The following SGMS1 variants were observed in gnomAD, a reference collection of about 807,000 sequenced individuals.
SGMS1 encodes phosphatidylcholine:ceramide cholinephosphotransferase 1.
A neutral mutation model predicts 46.2 loss-of-function variants in SGMS1; 13 were observed. That is an observed-to-expected ratio of 0.28 (90% CI 0.18 to 0.45). The LOEUF (loss-of-function observed/expected upper bound fraction) is 0.45. Ranked by LOEUF, SGMS1 falls within the 20% of genes least tolerant of loss-of-function variation. The pLI is 1.00. For synonymous variants in SGMS1, 203 were observed against 187.8 expected (o/e 1.08, Z -0.66); for missense variants, 324 against 519.9 (o/e 0.62, Z 3.66).
At chr10:50,426,609 G>A (rs772193163) in intron 6 of SGMS1, among the ~76,000 whole-genome samples, 2 of 152,176 alleles carry the variant, frequency 1.3e-5, no homozygotes, top group Non-Finnish European at 2.9e-5. Context: ...GGTCCAAGAT[G>A]TGGCTTTAAT....
rs74131296 is a variant in SGMS1 at position 50,397,174 on chromosome 10, T to C, written c.-232+36302A>G. Among the ~76,000 whole-genome samples the C allele has an allele frequency of 9.7e-3, 1,473 of 152,310 alleles. 15 individuals carry two copies. Among genetic ancestry groups the C allele is most frequent in the African/African-American group, 0.033 (1,368 of 41,562 alleles). ...AGATTTAGAGAACTTGTACATTCTT[T>C]GCAAATGGCAGATAACTGCCCTTGA... On this transcript the variant is annotated intron_variant, in intron 6 of 10. Transcript: ENST00000361781.
intron 1 of SGMS1, among the ~76,000 whole-genome samples, chr10:50,593,004 A>G (rs1315894267): frequency 6.6e-6 from 1 of 151,418 alleles, no homozygotes; most frequent in Non-Finnish European, 1.5e-5. Context: ...GGGAACCACT[A>G]CAATATTGCT....
At chr10:50,368,930 C>T (rs1238996752) in intron 6 of SGMS1, among the ~76,000 whole-genome samples, 2 of 152,180 alleles carry the variant, frequency 1.3e-5, no homozygotes, top group Admixed American at 6.5e-5. Context: ...GAATGTTACA[C>T]TTAAAGAACC....
At chr10:50,446,573 C>A (rs1034801190) in intron 5 of SGMS1, among the ~76,000 whole-genome samples, 7 of 152,300 alleles carry the variant, frequency 4.6e-5, no homozygotes, top group African/African-American at 1.4e-4. Flanking sequence ...CAATAGAATA[C>A]TACTCAATAG....
chr10:50,457,534 C>T (rs964789959), intron 5 of SGMS1, among the ~76,000 whole-genome samples: 1 of 152,104 alleles, frequency 6.6e-6, no homozygotes, highest in African/African-American at 2.4e-5. Context: ...AGGTAGTAAG[C>T]ACAGTACCCA....
chr10:50,464,053 G>A (rs756780137), intron 4 of SGMS1, among the ~76,000 whole-genome samples: 36 of 152,184 alleles, frequency 2.4e-4, no homozygotes, highest in Non-Finnish European at 8.8e-5. Flanking sequence ...GAGTGTTGCT[G>A]TTCAATGGGT....
chr10:50,546,235 C>T (rs570033071), intron 2 of SGMS1, among the ~76,000 whole-genome samples: 2 of 152,080 alleles, frequency 1.3e-5, no homozygotes, highest in African/African-American at 4.8e-5. Context: ...ATAATAGCAC[C>T]CTGTAGCAAC....
At chr10:50,382,558 A>AACACACACACAC (rs1240446247) in intron 6 of SGMS1, among the ~76,000 whole-genome samples, 2 of 69,234 alleles carry the variant, frequency 2.9e-5, no homozygotes, top group Admixed American at 1.9e-4. Flanking sequence ...CACACACACA[A>AACACACACACAC]ACACACACAT....
At chr10:50,337,755 T>C (rs1349529199) in intron 7 of SGMS1, among the ~76,000 whole-genome samples, 2 of 152,068 alleles carry the variant, frequency 1.3e-5, no homozygotes, top group Non-Finnish European at 2.9e-5. Context: ...AAGATTATGC[T>C]TGGAAATTAG....
chr10:50,399,086 C>T (rs11005521), intron 6 of SGMS1, among the ~76,000 whole-genome samples: 14,134 of 151,942 alleles, frequency 0.093, 1,717 homozygotes, highest in African/African-American at 0.28. Context: ...TGTTCTAAAA[C>T]TGGTTTATGG....
At chr10:50,475,812 T>C (rs1006944498) in intron 3 of SGMS1, among the ~76,000 whole-genome samples, 7 of 152,042 alleles carry the variant, frequency 4.6e-5, no homozygotes, top group African/African-American at 1.7e-4. Context: ...CCCTTCACCT[T>C]CCACCATGAT....
At chr10:50,470,144 T>A (rs925954320) in intron 3 of SGMS1, among the ~76,000 whole-genome samples, 1 of 152,052 alleles carries the variant, frequency 6.6e-6, no homozygotes, top group Non-Finnish European at 1.5e-5. Flanking sequence ...ATTATTAGAG[T>A]TCAGTAGTCA....
chr10:50,483,961 T>C (rs573006094), intron 3 of SGMS1, among the ~76,000 whole-genome samples: 1 of 152,012 alleles, frequency 6.6e-6, no homozygotes, highest in Non-Finnish European at 1.5e-5. Context: ...CAAATTGACA[T>C]GCTAACATCA....
Position 50,584,367 on chromosome 10 carries a change from C to T in SGMS1, c.-589+5786G>A, listed in dbSNP as rs186873802. On this transcript the variant is annotated intron_variant, in intron 2 of 10. Transcript: ENST00000361781. ...ACAAAAAATTAGCCAGGCATGGTGG[C>T]GGGTGCCTGTAATTCCAGCTACTTG... 1.4e-3 allele frequency among the ~76,000 whole-genome samples: 214 copies of T among 151,972 alleles called. 3 individuals are homozygous for T. Among genetic ancestry groups the T allele is most frequent in the African/African-American group, 5.1e-3 (211 of 41,428 alleles).
chr10:50,349,618 A>T (rs2133376399), intron 6 of SGMS1, among the ~76,000 whole-genome samples: 1 of 152,270 alleles, frequency 6.6e-6, no homozygotes, highest in East Asian at 1.9e-4. Context: ...TGTGGGAGAG[A>T]CCCAATAGGA....
intron 5 of SGMS1, among the ~76,000 whole-genome samples, 192 bp downstream of exon 5, chr10:50,460,481 G>A (rs1837250143): frequency 1.3e-5 from 2 of 152,216 alleles, no homozygotes; most frequent in Admixed American, 6.5e-5. Context: ...TCATCAAAGA[G>A]TGACGAGTGA....
rs1298270590 is a variant in SGMS1 at position 50,607,145 on chromosome 10, AT to A, written c.-684+16561del. Among the ~76,000 whole-genome samples, 792 of 136,324 alleles carry A rather than the reference AT, an allele frequency of 5.8e-3. 4 individuals are homozygous for A. The highest frequency in any genetic ancestry group is 0.011 in the African/African-American group (397 of 36,844). The allele number at this position is 136,324 out of a possible 152,430, so 89.4% of individuals were successfully genotyped here. On this transcript the variant is annotated intron_variant, in intron 1 of 10. Coordinates refer to ENST00000361781, the MANE Select transcript of SGMS1 (RefSeq NM_147156.4). Reference sequence around the variant, plus strand: ...AGATGCACACCACCACACCCAGGTAATTTTTTTTTTTTTTTTTGGTAGAGAT... The same window carrying A: ...AGATGCACACCACCACACCCAGGTAATTTTTTTTTTTTTTTTGGTAGAGAT...
intron 1 of SGMS1, among the ~76,000 whole-genome samples, chr10:50,616,354 T>C (rs1362557449): frequency 1.3e-5 from 2 of 152,168 alleles, no homozygotes; most frequent in Non-Finnish European, 2.9e-5. Context: ...CAGACTGGCC[T>C]CAAACTTCTG....
intron 2 of SGMS1, among the ~76,000 whole-genome samples, chr10:50,580,672 A>G (rs1216252614): frequency 2.0e-5 from 3 of 152,214 alleles, no homozygotes; most frequent in Non-Finnish European, 4.4e-5. Context: ...CCTAAGAATC[A>G]CTTGGAGTTC....
Sources: gnomAD v4.1 joint callset for allele counts (sites outside exome capture counted in the v4.1 genomes callset) on GRCh38, gnomAD v4.1.1 for gene constraint, MANE v1.5 for transcripts, NCBI Gene and HGNC (gene_info 2026-07-23, HGNC 2026-07-21) for gene names.